Variants in RELN observed in about 807,000 individuals in gnomAD.
RELN encodes reelin.
RELN carries 108 observed loss-of-function variants against 427.6 expected under a neutral mutation model. The ratio of observed to expected loss-of-function variants is 0.25; its 90% CI spans 0.22 to 0.30. The LOEUF (loss-of-function observed/expected upper bound fraction) is 0.30, where lower values mean the gene tolerates loss of function less well. RELN is among the 10% of genes least tolerant of loss of function. The pLI is 1.00. For synonymous variants in RELN, 1,524 were observed against 1,513.4 expected, an observed-to-expected ratio of 1.01 and a Z score of -0.16; for missense variants, 3,715 against 4,302.8, an observed-to-expected ratio of 0.86 and a Z score of 3.82.
chr7:103,842,361 C>T (rs932968292), intron 2 of RELN, among the ~76,000 whole-genome samples: 18 of 151,830 alleles, frequency 1.2e-4, no homozygotes, highest in Non-Finnish European at 2.4e-4. Context: ...CTTTTTATCC[C>T]TCTTTAATCT....
At chr7:103,687,791 T>C (rs1833794062) in intron 10 of RELN, among the ~76,000 whole-genome samples, 1 of 152,144 alleles carries the variant, frequency 6.6e-6, no homozygotes, top group African/African-American at 2.4e-5. Context: ...AAAGATGCAT[T>C]AGGCAGGGAG....
intron 1 of RELN, among the ~76,000 whole-genome samples, chr7:103,983,863 CTG>C (rs59702742): frequency 0.094 from 13,957 of 148,326 alleles, 814 homozygotes; most frequent in African/African-American, 0.17. Context: ...CTTCATATTT[CTG>C]TGTGTGTGTG....
chr7:103,941,359 G>T (rs4639449), intron 1 of RELN, among the ~76,000 whole-genome samples: 1 of 151,954 alleles, frequency 6.6e-6, no homozygotes, highest in Non-Finnish European at 1.5e-5. Context: ...AAGATTGTTC[G>T]AAGGGCATGG....
rs1057521487 is a variant in RELN at position 103,917,082 on chromosome 7, G to A, written c.330C>T (p.Phe110=). 18 of 1,612,346 alleles carry A rather than the reference G, an allele frequency of 1.1e-5. No individual in the cohort carries two copies. The highest frequency in any genetic ancestry group is 4.4e-5 in the South Asian group (4 of 91,036). Residue 110 remains phenylalanine (F), a synonymous_variant, in exon 2 of 65, where the codon TTC becomes TTT. Coordinates refer to ENST00000428762, the MANE Select transcript of RELN (RefSeq NM_005045.4). ...TTTGTGAGAATAGCTTACCAAATCC[G>A]AAAGCACTGGAACCTCCAATGCTCT... ...ASQSIGGSSA[F]GFGIMSDHQF... is the part of the protein sequence containing the mutation.
rs1584326217 is a variant in RELN, at chr7:103,593,667, C to G, written c.3912+15G>C. The G allele has an allele frequency of 4.4e-6, 7 of 1,606,566 alleles. No homozygotes were observed. The highest frequency in any genetic ancestry group is 5.1e-6 in the Non-Finnish European group (6 of 1,173,220). On this transcript the variant is annotated intron_variant, in intron 27 of 64. Transcript: ENST00000428762. ...CTCCTTAACTTGCTCTGGGAAGAAG[C>G]TTGTGCATAAATACCTTGAACTGTA...
chr7:103,572,748 C>T (rs1830912667), intron 30 of RELN, among the ~76,000 whole-genome samples: 1 of 151,582 alleles, frequency 6.6e-6, no homozygotes, highest in African/African-American at 2.4e-5. Context: ...CACGGTGAAA[C>T]CCCGTCTCTA....
At chr7:103,773,763 C>A (rs756909706) in intron 4 of RELN, among the ~76,000 whole-genome samples, 10 of 151,986 alleles carry the variant, frequency 6.6e-5, no homozygotes, top group Non-Finnish European at 1.0e-4. Flanking sequence ...ACCCACTGCG[C>A]GCGGCCTCCT....
At chr7:103,786,845 A>C (rs1792030723) in intron 3 of RELN, among the ~76,000 whole-genome samples, 1 of 152,192 alleles carries the variant, frequency 6.6e-6, no homozygotes, top group African/African-American at 2.4e-5. Context: ...TCCTGGACCA[A>C]GCGGACCTAA....
chr7:103,643,485 C>A, intron 16 of RELN, among the ~76,000 whole-genome samples: 1 of 151,902 alleles, frequency 6.6e-6, no homozygotes, highest in East Asian at 1.9e-4. Flanking sequence ...AATTTGTCAG[C>A]CTCCTTCTTT....
rs1447477805 is a variant in RELN at position 103,630,869 on chromosome 7, T to TG, written c.2466-694_2466-693insC. On this transcript the variant is annotated intron_variant, in intron 19 of 64. Coordinates refer to ENST00000428762, the MANE Select transcript of RELN (RefSeq NM_005045.4). ...TTTTTTTGTTTTTTTTGTTTTTTTT[T>TG]TTTTTGTTTTTTAACTAATGAGCAA... 2.7e-5 allele frequency among the ~76,000 whole-genome samples: 4 copies of TG among 150,016 alleles called. No homozygotes were observed. The South Asian group carries it at 8.4e-4, about 32-fold the overall frequency.
intron 3 of RELN, among the ~76,000 whole-genome samples, chr7:103,789,130 T>C (rs1297373818): frequency 1.3e-5 from 2 of 152,338 alleles, no homozygotes; most frequent in Middle Eastern, 3.4e-3. Context: ...GAAAACTGGC[T>C]AGCCATATGC....
At chr7:103,682,867 G>C (rs1315661530) in intron 10 of RELN, among the ~76,000 whole-genome samples, 1 of 152,048 alleles carries the variant, frequency 6.6e-6, no homozygotes, top group Admixed American at 6.5e-5. Flanking sequence ...TATGAACTTT[G>C]TTAATCCCCA....
At chr7:103,610,300 A>C (rs76328156) in intron 22 of RELN, among the ~76,000 whole-genome samples, 2,423 of 152,298 alleles carry the variant, frequency 0.016, 73 homozygotes, top group African/African-American at 0.055. Context: ...TTTGATATAC[A>C]AAAGTAAGGG....
intron 1 of RELN, among the ~76,000 whole-genome samples, chr7:103,938,260 C>T (rs1391231516): frequency 6.6e-6 from 1 of 151,804 alleles, no homozygotes; most frequent in East Asian, 1.9e-4. Flanking sequence ...GTGGAGGTTG[C>T]AGTGAGCCGA....
Position 103,540,314 on chromosome 7 carries a change from A to G in RELN, c.6813T>C (p.Asn2271=). 3.7e-6 allele frequency: 6 copies of G among 1,614,146 alleles called. No homozygotes were observed. The highest frequency in any genetic ancestry group is 4.2e-6 in the Non-Finnish European group (5 of 1,180,032). The part of the protein sequence containing the change: ...LQEFLFSNSS[N]VGRYIALEIP... The stretch of plus-strand genomic sequence containing the variant: ...TCTCCAGGGCAATGTACCTGCCCAC[A>G]TTGCTGGAATTGCTGAAAAGGAACT... Residue 2271 remains asparagine (N), a synonymous_variant, in exon 44 of 65, where the codon AAT becomes AAC. Coordinates refer to ENST00000428762, the MANE Select transcript of RELN (RefSeq NM_005045.4).
chr7:103,708,929 T>G (rs1789716544), intron 8 of RELN, among the ~76,000 whole-genome samples: 1 of 152,180 alleles, frequency 6.6e-6, no homozygotes, highest in Non-Finnish European at 1.5e-5. Flanking sequence ...CATGTCCATT[T>G]ATTTGACAGT....
intron 11 of RELN, among the ~76,000 whole-genome samples, chr7:103,664,043 G>C (rs377245454): frequency 6.6e-6 from 1 of 152,142 alleles, no homozygotes; most frequent in African/African-American, 2.4e-5. Context: ...GGTTGTGTCA[G>C]TGAGAAGTGA....
intron 51 of RELN, among the ~76,000 whole-genome samples, chr7:103,510,354 G>A (rs559890894): frequency 1.5e-4 from 23 of 152,258 alleles, no homozygotes; most frequent in Non-Finnish European, 2.8e-4. Flanking sequence ...GGATGAAGCT[G>A]GAAACCATCA....
At chr7:103,533,632 T>C (rs949008523) in intron 46 of RELN, among the ~76,000 whole-genome samples, 1 of 152,192 alleles carries the variant, frequency 6.6e-6, no homozygotes, top group African/African-American at 2.4e-5. Flanking sequence ...ACTGCTTATT[T>C]TCAGTACAGA....
Sources: gnomAD v4.1 joint callset for allele counts (sites outside exome capture counted in the v4.1 genomes callset) on GRCh38, gnomAD v4.1.1 for gene constraint, MANE v1.5 for transcripts, NCBI Gene and HGNC (gene_info 2026-07-23, HGNC 2026-07-21) for gene names.